FAM222B: variants seen among roughly 807,000 people sequenced by gnomAD.
The protein encoded by FAM222B is protein FAM222B.
FAM222B carries 12 observed loss-of-function variants against 38.0 expected under a neutral mutation model. That is an observed-to-expected ratio of 0.32 (90% confidence interval 0.20 to 0.51). The LOEUF is 0.51. Ranked by LOEUF, FAM222B falls within the 20% of genes least tolerant of loss-of-function variation. The pLI is 0.97. For synonymous variants in FAM222B, 329 were observed against 317.2 expected (o/e 1.04, Z -0.40); for missense variants, 716 against 754.2 (o/e 0.95, Z 0.59).
intron 1 of FAM222B, among the ~76,000 whole-genome samples, chr17:28,819,380 A>G (rs1164549868): frequency 1.3e-5 from 2 of 152,204 alleles, no homozygotes; most frequent in Non-Finnish European, 2.9e-5. Flanking sequence ...AGTAAATCAC[A>G]GAAGAAATAC....
chr17:28,771,948 TC>T (rs2035653307), intron 1 of FAM222B, among the ~76,000 whole-genome samples: 1 of 152,078 alleles, frequency 6.6e-6, no homozygotes, highest in Non-Finnish European at 1.5e-5. Flanking sequence ...TCCCAGCTAC[TC>T]AGGAGTCTGA....
intron 1 of FAM222B, among the ~76,000 whole-genome samples, chr17:28,815,826 G>C (rs1037798104): frequency 2.6e-5 from 4 of 152,046 alleles, no homozygotes; most frequent in Non-Finnish European, 5.9e-5. Flanking sequence ...AATTAGCCAA[G>C]TGTGGTGGCG....
chr17:28,842,634 G>A (rs986967422), intron 1 of FAM222B, 48 bp downstream of exon 1: 1 of 152,608 alleles, frequency 6.6e-6, no homozygotes, highest in African/African-American at 2.4e-5. Flanking sequence ...CTTCCGCTAA[G>A]TTACCCTCTT....
At chr17:28,798,482 A>C (rs1430108511) in intron 1 of FAM222B, among the ~76,000 whole-genome samples, 1 of 152,216 alleles carries the variant, frequency 6.6e-6, no homozygotes, top group Admixed American at 6.6e-5. Context: ...AGCAATCCTC[A>C]CTAAGAAACT....
chr17:28,776,313 T>G (rs1379949931), intron 1 of FAM222B, among the ~76,000 whole-genome samples: 3 of 146,398 alleles, frequency 2.0e-5, no homozygotes, highest in Admixed American at 6.9e-5. Flanking sequence ...GGAAGCAGAG[T>G]TGCAATGAGG....
chr17:28,760,212 C>G (rs1301296186), intron 2 of FAM222B, among the ~76,000 whole-genome samples: 1 of 152,138 alleles, frequency 6.6e-6, no homozygotes, highest in Non-Finnish European at 1.5e-5. Context: ...CTTTCAAAGT[C>G]TCATATCTTG....
chr17:28,763,775 A>G (rs1455130216), intron 2 of FAM222B, among the ~76,000 whole-genome samples: 1 of 152,254 alleles, frequency 6.6e-6, no homozygotes, highest in Non-Finnish European at 1.5e-5. Context: ...ATGGGTGACA[A>G]CATATGTGAA....
At chr17:28,845,970 A>G (rs567935635), upstream of FAM222B, among the ~76,000 whole-genome samples, 5 of 143,846 alleles carry the variant, frequency 3.5e-5, no homozygotes, top group South Asian at 6.9e-4. Flanking sequence ...TTGGGAGGCC[A>G]AGGCGGGTGG....
rs2034850890 is a variant in FAM222B, at chr17:28,758,612, G to A, written c.1347C>T (p.Tyr449=). The change falls in exon 3 of 3, where the codon TAC becomes TAT. Residue 449 remains tyrosine, a synonymous_variant. Coordinates refer to ENST00000581407, the MANE Select transcript of FAM222B (RefSeq NM_001077498.3). The stretch of plus-strand genomic sequence containing the variant: ...GAATGTTGTTCCACAGGGGTTGGAA[G>A]TAGTGACCATTGGGGTAGGCCAATG... ...AAPLAYPNGH[Y]FQPLWNNILP... is the part of the protein sequence containing the mutation. The A allele has an allele frequency of 6.2e-7, 1 of 1,611,532 alleles. No individual in the cohort carries two copies. The highest frequency in any genetic ancestry group is 1.6e-4 in the Middle Eastern group (1 of 6,062).
intron 1 of FAM222B, among the ~76,000 whole-genome samples, chr17:28,783,636 C>T (rs941423932): frequency 7.9e-5 from 12 of 152,066 alleles, no homozygotes; most frequent in South Asian, 2.1e-4. Flanking sequence ...CTTCAGCCTC[C>T]CTAGCTGGGA....
chr17:28,776,457 T>C (rs1290800468), intron 1 of FAM222B, among the ~76,000 whole-genome samples: 1 of 144,412 alleles, frequency 6.9e-6, no homozygotes, highest in Non-Finnish European at 1.5e-5. Flanking sequence ...AAAGACTTTT[T>C]TTTTTTTTTT....
At chr17:28,798,368 G>GT (rs1308716829) in intron 1 of FAM222B, among the ~76,000 whole-genome samples, 1 of 152,044 alleles carries the variant, frequency 6.6e-6, no homozygotes, top group Non-Finnish European at 1.5e-5. Flanking sequence ...GGCAAACAGA[G>GT]TAAGACCCTG....
Position 28,759,420 on chromosome 17 carries a change from G to A in FAM222B, c.539C>T (p.Pro180Leu). The change falls in exon 3 of 3, where the codon CCA (proline) becomes CTA (leucine). Residue 180 changes from proline (P) to leucine (L), a missense_variant. Physicochemically the swap from Pro to Leu is moderately conservative, Grantham distance 98. Transcript: ENST00000581407. This position sits in a 1 kb window ranked among gnomAD's most constrained non-coding sequence, Gnocchi z 4.8. ...CTGAGGGTGGGACAGTGCCTGGGGT[G>A]GCGGGATACCCTGAGGGTGCTGCAG... Reference protein sequence around the residue: ...QTLQHPQGIPPPQALSHPQSL... With the variant: ...QTLQHPQGIPLPQALSHPQSL... The A allele has an allele frequency of 6.3e-7, 1 of 1,590,144 alleles. No homozygotes were observed. The highest frequency in any genetic ancestry group is 8.5e-7 in the Non-Finnish European group (1 of 1,169,962).
At chr17:28,783,509 ATGAGATT>A (rs2036250168) in intron 1 of FAM222B, among the ~76,000 whole-genome samples, 8 of 100,768 alleles carry the variant, frequency 7.9e-5, no homozygotes, top group Non-Finnish European at 9.1e-5. Flanking sequence ...CCCTACCTTC[ATGAGATT>A]TTTTTTTTTT....
In FAM222B at chr17:28,758,984, A is replaced by T; in HGVS notation, c.975T>A (p.Asn325Lys). ...TGGCCGCGTGGGTGTGCTCCATGGG[A>T]TTGACCACACATGAAGGCATTGGTG... ...VPTPMPSCVV[N>K]PMEHTHAATA... Residue 325 changes from asparagine (N) to lysine (K), a missense_variant, in exon 3 of 3, where the codon AAT becomes AAA. By Grantham distance (94) the Asn-to-Lys change is moderately conservative. Transcript: ENST00000581407. 6.2e-7 allele frequency: 1 copy of T among 1,612,224 alleles called. No homozygotes were observed. Among genetic ancestry groups the T allele is most frequent in the Non-Finnish European group, 8.5e-7 (1 of 1,179,224 alleles).
intron 2 of FAM222B, among the ~76,000 whole-genome samples, chr17:28,766,054 T>C (rs1490630993): frequency 1.3e-5 from 2 of 150,896 alleles, no homozygotes; most frequent in African/African-American, 2.4e-5. Flanking sequence ...TTAAGGGTGA[T>C]ATATATATAT....
chr17:28,808,646 C>T (rs566376964), intron 1 of FAM222B, among the ~76,000 whole-genome samples: 2 of 152,322 alleles, frequency 1.3e-5, no homozygotes, highest in South Asian at 4.1e-4. Context: ...TCAAAAGATT[C>T]AGCTTCCAAG....
At chr17:28,800,092 C>A (rs1392264125) in intron 1 of FAM222B, among the ~76,000 whole-genome samples, 2 of 151,518 alleles carry the variant, frequency 1.3e-5, no homozygotes, top group Non-Finnish European at 2.9e-5. Flanking sequence ...AGTGCCATGG[C>A]ACGATCTCGG....
At chr17:28,764,757 T>A (rs1166046912) in intron 2 of FAM222B, among the ~76,000 whole-genome samples, 21 of 151,434 alleles carry the variant, frequency 1.4e-4, no homozygotes, top group Admixed American at 1.1e-3. Context: ...AAAAAAATAA[T>A]TAAAAAAAAA....
Sources: allele counts gnomAD v4.1 joint callset (sites outside exome capture counted in the v4.1 genomes callset), GRCh38; gene constraint gnomAD v4.1.1; non-coding constraint Gnocchi (gnomAD v3.1); transcripts MANE v1.5; gene names NCBI Gene and HGNC (gene_info 2026-07-23, HGNC 2026-07-21).